The following TCF20 variants were observed in gnomAD, a reference collection of about 807,000 sequenced individuals.
The protein encoded by TCF20 is transcription factor 20, also known as SPRE-binding protein.
In TCF20, 3 loss-of-function variants were observed where a neutral mutation model predicts 148.6. The ratio of observed to expected loss-of-function variants is 0.02; its 90% CI spans 0.01 to 0.05. The LOEUF is 0.05. Among genes scored for constraint, TCF20 ranks in the 10% least tolerant of loss-of-function variants. The pLI is 1.00. For missense variants in TCF20, 2,350 were observed against 2,429.3 expected, an observed-to-expected ratio of 0.97 and a Z score of 0.69; for synonymous variants, 1,049 against 909.5, an observed-to-expected ratio of 1.15 and a Z score of -2.76.
chr22:42,271,413 G>A (rs1433134344), upstream of TCF20, among the ~76,000 whole-genome samples: 1 of 152,252 alleles, frequency 6.6e-6, no homozygotes, highest in Non-Finnish European at 1.5e-5. Context: ...GAGGATTTGC[G>A]GTGCCAAGGC....
At chr22:42,249,576 A>T (rs1033780732) in intron 1 of TCF20, among the ~76,000 whole-genome samples, 1 of 152,256 alleles carries the variant, frequency 6.6e-6, no homozygotes, top group African/African-American at 2.4e-5. Context: ...CTGGTGCTGC[A>T]AAAGCAGAAA....
Position 42,299,983 on chromosome 22 carries a change from C to T in TCF20, c.-37+43496G>A, listed in dbSNP as rs1000175825. Among the ~76,000 whole-genome samples the T allele has an allele frequency of 2.0e-5, 3 of 149,834 alleles. No homozygotes were observed. Among genetic ancestry groups the T allele is most frequent in the African/African-American group, 7.4e-5 (3 of 40,522 alleles). On this transcript the variant is annotated intron_variant, in intron 1 of 1. Transcript: ENST00000515426. The surrounding 1 kb of genome is among the most constrained non-coding windows in gnomAD (Gnocchi z 4.1). ...GGGCGGGGAGGGGGAGGGGGAGGGG[C>T]GCGCTGAAATCACCCGCAACATCAA... is the stretch of plus-strand genomic sequence containing the variant.
chr22:42,210,770 T>G lies in TCF20; in HGVS notation c.4536A>C (p.Glu1512Asp). 6.2e-7 allele frequency: 1 copy of G among 1,614,202 alleles called. No individual in the cohort carries two copies. The highest frequency in any genetic ancestry group is 8.5e-7 in the Non-Finnish European group (1 of 1,180,032). The change falls in exon 2 of 6, where the codon GAA (glutamate) becomes GAC (aspartate). Residue 1512 changes from glutamate (E) to aspartate (D), a missense_variant. Transcript: ENST00000677622. The surrounding 1 kb of genome is among the most constrained non-coding windows in gnomAD (Gnocchi z 4.7). ...ILAPEANPKA[E>D]EKENDTVTIS... ...TCGTCACTGTATCGTTCTCCTTCTC[T>G]TCAGCCTTGGGGTTTGCCTCAGGGG...
intron 1 of TCF20, among the ~76,000 whole-genome samples, chr22:42,232,841 T>C (rs1017914453): frequency 1.3e-5 from 2 of 151,546 alleles, no homozygotes; most frequent in Non-Finnish European, 2.9e-5. Flanking sequence ...ACCAACATGC[T>C]AATTTTAAAA....
intron 1 of TCF20, among the ~76,000 whole-genome samples, chr22:42,333,757 C>T (rs572287477): frequency 6.6e-6 from 1 of 152,268 alleles, no homozygotes; most frequent in Non-Finnish European, 1.5e-5. Context: ...CAGAGGAAGG[C>T]GATAGAAGGC....
intron 2 of TCF20, among the ~76,000 whole-genome samples, chr22:42,205,267 C>T (rs1352857500): frequency 7.1e-6 from 1 of 140,042 alleles, no homozygotes; most frequent in African/African-American, 2.8e-5. Context: ...AATAGATTCA[C>T]AAGTCCCACA....
intron 2 of TCF20, among the ~76,000 whole-genome samples, chr22:42,185,032 G>C (rs1024325911): frequency 2.0e-5 from 3 of 152,196 alleles, no homozygotes; most frequent in Admixed American, 1.3e-4. Context: ...AGCTTTAAGG[G>C]AGCCTTCTCC....
upstream of TCF20, among the ~76,000 whole-genome samples, chr22:42,273,643 A>C (rs564164137): frequency 1.3e-5 from 2 of 152,104 alleles, no homozygotes; most frequent in South Asian, 2.1e-4. Context: ...AGTAAAAAAA[A>C]AAACAAACAA....
chr22:42,172,305 G>C (rs113434757), intron 3 of TCF20, among the ~76,000 whole-genome samples: 22 of 152,354 alleles, frequency 1.4e-4, no homozygotes, highest in African/African-American at 5.1e-4. Context: ...TGCTGGGAGG[G>C]AAGAGTGAAG....
At chr22:42,233,842 G>A (rs1923645033) in intron 1 of TCF20, among the ~76,000 whole-genome samples, 1 of 152,092 alleles carries the variant, frequency 6.6e-6, no homozygotes, top group African/African-American at 2.4e-5. Flanking sequence ...GGAAAGGCAG[G>A]TTAATTTTCA....
intron 1 of TCF20, among the ~76,000 whole-genome samples, chr22:42,330,786 A>C (rs1336865453): frequency 6.6e-6 from 1 of 152,220 alleles, no homozygotes; most frequent in Non-Finnish European, 1.5e-5. Flanking sequence ...GCAACAGTTC[A>C]GCCTGAATTC....
At position 42,211,820 on chromosome 22, in the gene TCF20, G is replaced by T. The variant is rs773217382; in HGVS notation, c.3486C>A (p.Arg1162=). 1.2e-6 allele frequency: 2 copies of T among 1,614,048 alleles called. No homozygotes were observed. The highest frequency in any genetic ancestry group is 1.7e-6 in the Non-Finnish European group (2 of 1,180,040). The change falls in exon 2 of 6, where the codon CGC becomes CGA. Residue 1162 remains arginine, a synonymous_variant. Coordinates refer to ENST00000677622, the MANE Select transcript of TCF20 (RefSeq NM_001378418.1). ...GCAGACCATCACTAGACATTAGGCA[G>T]CGCCCAGCCTCCTGGGCACTGGGGT... ...YHDPSAQEAG[R]CLMSSDGLPN...
intron 1 of TCF20, among the ~76,000 whole-genome samples, chr22:42,267,512 C>CCAATATGGTGAAATCCCATCTCTACA: frequency 6.6e-6 from 1 of 151,594 alleles, no homozygotes; most frequent in East Asian, 2.0e-4. Context: ...ACCATCCTGC[C>CCAATATGGTGAAATCCCATCTCTACA]CAATATGGTG....
chr22:42,296,315 C>T (rs1381464376), intron 1 of TCF20, among the ~76,000 whole-genome samples: 1 of 152,218 alleles, frequency 6.6e-6, no homozygotes, highest in Admixed American at 6.5e-5. Flanking sequence ...AGTGTCTGAC[C>T]CTGTGAGACA....
intron 1 of TCF20, among the ~76,000 whole-genome samples, chr22:42,253,901 AC>A (rs1925571870): frequency 1.3e-5 from 2 of 151,972 alleles, no homozygotes. Flanking sequence ...ACATGGAGAA[AC>A]CCTGTCTCTA....
At chr22:42,303,262 A>G (rs1927370423) in intron 1 of TCF20, among the ~76,000 whole-genome samples, 1 of 152,326 alleles carries the variant, frequency 6.6e-6, no homozygotes, top group African/African-American at 2.4e-5. Context: ...CCCTTGTGCC[A>G]GGTTCTGCCA....
intron 1 of TCF20, among the ~76,000 whole-genome samples, chr22:42,327,639 G>A (rs915743148): frequency 2.0e-5 from 3 of 151,952 alleles, no homozygotes; most frequent in Non-Finnish European, 4.4e-5. Flanking sequence ...TGAGAAAACC[G>A]AGGCTCAGAG....
chr22:42,296,055 C>T (rs577256132), intron 1 of TCF20, among the ~76,000 whole-genome samples: 9 of 152,322 alleles, frequency 5.9e-5, no homozygotes, highest in Non-Finnish European at 1.2e-4. Flanking sequence ...TTTCCTCATC[C>T]GTAAAATGGG....
intron 1 of TCF20, among the ~76,000 whole-genome samples, chr22:42,257,125 A>C (rs892833902): frequency 6.6e-6 from 1 of 152,098 alleles, no homozygotes; most frequent in Admixed American, 6.6e-5. Context: ...GTATCACCAC[A>C]CTCCAGCCTG....
Sources: gnomAD v4.1 joint callset for allele counts (sites outside exome capture counted in the v4.1 genomes callset) on GRCh38, gnomAD v4.1.1 for gene constraint, Gnocchi (gnomAD v3.1) non-coding constraint, MANE v1.5 for transcripts, NCBI Gene and HGNC (gene_info 2026-07-23, HGNC 2026-07-21) for gene names.